PCDH9: variants seen among roughly 807,000 people sequenced by gnomAD.
The protein encoded by PCDH9 is protocadherin 9.
In PCDH9, 24 loss-of-function variants were observed where a neutral mutation model predicts 70.6. The observed-to-expected ratio is 0.34, with a 90% CI of 0.25 to 0.48. The LOEUF (loss-of-function observed/expected upper bound fraction) is 0.48. Among genes scored for constraint, PCDH9 ranks in the 20% least tolerant of loss-of-function variants. PCDH9 has a pLI of 0.99. For missense variants in PCDH9, 1,281 were observed against 1,503.6 expected (o/e 0.85, Z 2.45); for synonymous variants, 562 against 558.5 (o/e 1.01, Z -0.09).
At chr13:66,677,508 A>C (rs1036200679) in intron 3 of PCDH9, among the ~76,000 whole-genome samples, 3 of 151,962 alleles carry the variant, frequency 2.0e-5, no homozygotes, top group African/African-American at 7.2e-5. Flanking sequence ...GCCCATTGGG[A>C]GGTGTTTAGA....
chr13:66,426,149 T>A (rs985446653), intron 4 of PCDH9, among the ~76,000 whole-genome samples: 1 of 151,412 alleles, frequency 6.6e-6, no homozygotes, highest in East Asian at 1.9e-4. Flanking sequence ...ATAGGCCAAA[T>A]GGATACCTTA....
chr13:66,983,756 T>A (rs1057470043), intron 2 of PCDH9, among the ~76,000 whole-genome samples: 13 of 152,120 alleles, frequency 8.5e-5, no homozygotes, highest in Non-Finnish European at 1.2e-4. Context: ...GCACAGGGGT[T>A]TGTTATGCAG....
chr13:66,834,500 A>C (rs1245716818), intron 3 of PCDH9, among the ~76,000 whole-genome samples: 1 of 152,184 alleles, frequency 6.6e-6, no homozygotes, highest in Non-Finnish European at 1.5e-5. Flanking sequence ...AACTGTACCC[A>C]AAATTACTAT....
chr13:66,407,938 G>A (rs898011740), intron 4 of PCDH9, among the ~76,000 whole-genome samples: 7 of 151,974 alleles, frequency 4.6e-5, no homozygotes, highest in Admixed American at 2.6e-4. Context: ...AAGAATATAA[G>A]TCAGGTTCAC....
At chr13:66,329,953 A>G (rs555475682) in intron 4 of PCDH9, among the ~76,000 whole-genome samples, 1 of 152,342 alleles carries the variant, frequency 6.6e-6, no homozygotes, top group Admixed American at 6.5e-5. Context: ...TAGCTACAAT[A>G]AAAAACATCT....
intron 4 of PCDH9, among the ~76,000 whole-genome samples, chr13:66,365,423 C>G (rs548290100): frequency 6.6e-6 from 1 of 152,272 alleles, no homozygotes; most frequent in African/African-American, 2.4e-5. Flanking sequence ...CACCAGCTCC[C>G]TCAAATCAGG....
intron 3 of PCDH9, among the ~76,000 whole-genome samples, chr13:66,849,511 TATATATAG>T (rs1400108285): frequency 1.0e-3 from 83 of 82,172 alleles, no homozygotes; most frequent in Non-Finnish European, 1.3e-3. Flanking sequence ...TATATATATA[TATATATAG>T]AGAGAGAGAG....
At position 66,550,817 on chromosome 13, in the gene PCDH9, C is replaced by T. The variant is rs138560758; in HGVS notation, c.3340+80393G>A. The stretch of plus-strand genomic sequence containing the variant: ...CTAAATAGGCTGGCATTTTTATCAA[C>T]GAACACTCATTCTTTACCTTTTAAG... On this transcript the variant is annotated intron_variant, in intron 4 of 4. Coordinates refer to ENST00000377865, the MANE Select transcript of PCDH9 (RefSeq NM_203487.3). Among the ~76,000 whole-genome samples the T allele has an allele frequency of 1.2e-4, 19 of 152,240 alleles. 1 individual carries two copies. The highest frequency in any genetic ancestry group is 8.3e-4 in the South Asian group (4 of 4,808).
chr13:66,852,184 C>A (rs922372023), intron 3 of PCDH9, among the ~76,000 whole-genome samples: 3 of 152,074 alleles, frequency 2.0e-5, no homozygotes, highest in Non-Finnish European at 2.9e-5. Context: ...AATCCTCAAT[C>A]CATAGTAGCT....
intron 4 of PCDH9, among the ~76,000 whole-genome samples, chr13:66,507,285 T>A (rs1959235058): frequency 6.6e-6 from 1 of 152,222 alleles, no homozygotes; most frequent in Admixed American, 6.5e-5. Context: ...TGTCTGAAGC[T>A]CCTTAAGGCA....
chr13:67,226,320 A>C lies in PCDH9; in HGVS notation c.2121T>G (p.Thr707=). Residue 707 remains threonine, a synonymous_variant, in exon 2 of 5, where the codon ACT becomes ACG. Transcript: ENST00000377865. This position sits in a 1 kb window ranked among gnomAD's most constrained non-coding sequence, Gnocchi z 5.0. ...VAEVFAVDVD[T]GMNAELKYTI... The stretch of plus-strand genomic sequence containing the variant: ...TATACTTTAGTTCAGCGTTCATTCC[A>C]GTGTCAACATCCACTGCAAAAACTT... 1 of 1,614,166 alleles carries C rather than the reference A, an allele frequency of 6.2e-7. No homozygotes were observed. The highest frequency in any genetic ancestry group is 1.1e-5 in the South Asian group (1 of 91,084).
At chr13:66,545,516 G>A (rs1247615885) in intron 4 of PCDH9, among the ~76,000 whole-genome samples, 2 of 152,142 alleles carry the variant, frequency 1.3e-5, no homozygotes, top group Admixed American at 6.5e-5. Flanking sequence ...ACACAGTAAT[G>A]TGCCATATTA....
At chr13:66,707,894 A>C (rs1265970277) in intron 3 of PCDH9, among the ~76,000 whole-genome samples, 1 of 152,178 alleles carries the variant, frequency 6.6e-6, no homozygotes, top group East Asian at 1.9e-4. Context: ...ATCTTAGATA[A>C]GTATTTTGCT....
At chr13:66,753,254 CACA>C (rs1161055414) in intron 3 of PCDH9, among the ~76,000 whole-genome samples, 1 of 152,048 alleles carries the variant, frequency 6.6e-6, no homozygotes, top group African/African-American at 2.4e-5. Flanking sequence ...CTCAACATAA[CACA>C]ACGTTATAGC....
At chr13:66,531,543 T>C (rs1024681270) in intron 4 of PCDH9, among the ~76,000 whole-genome samples, 3 of 152,150 alleles carry the variant, frequency 2.0e-5, no homozygotes, top group African/African-American at 4.8e-5. Context: ...ATTCACTTGA[T>C]ATTCTTTACT....
intron 4 of PCDH9, among the ~76,000 whole-genome samples, chr13:66,462,484 T>C (rs1958442904): frequency 6.6e-6 from 1 of 151,866 alleles, no homozygotes; most frequent in African/African-American, 2.4e-5. Context: ...GTTCAAATTA[T>C]CTATGATCAC....
intron 4 of PCDH9, among the ~76,000 whole-genome samples, chr13:66,617,047 A>G (rs1319781629): frequency 3.3e-5 from 5 of 152,284 alleles, no homozygotes; most frequent in Admixed American, 3.3e-4. Flanking sequence ...TTCCTGTTTC[A>G]TGGATAAAGG....
At chr13:66,439,935 G>A (rs1298982800) in intron 4 of PCDH9, among the ~76,000 whole-genome samples, 1 of 152,040 alleles carries the variant, frequency 6.6e-6, no homozygotes, top group Non-Finnish European at 1.5e-5. Context: ...TAGATTGTAG[G>A]TAAGTTAATG....
intron 4 of PCDH9, among the ~76,000 whole-genome samples, chr13:66,340,825 A>C (rs532509466): frequency 6.6e-6 from 1 of 152,312 alleles, no homozygotes; most frequent in South Asian, 2.1e-4. Context: ...TCTTTCTTTT[A>C]CAAAATCTGA....
Sources: gnomAD v4.1 joint callset for allele counts (sites outside exome capture counted in the v4.1 genomes callset) on GRCh38, gnomAD v4.1.1 for gene constraint, Gnocchi (gnomAD v3.1) non-coding constraint, MANE v1.5 for transcripts, NCBI Gene and HGNC (gene_info 2026-07-23, HGNC 2026-07-21) for gene names.